Variants in SGCZ observed in about 807,000 individuals in gnomAD.
SGCZ encodes sarcoglycan zeta, also known as zeta-sarcoglycan.
Under a neutral mutation model 41.3 loss-of-function variants are expected in SGCZ, and 40 were observed. The observed-to-expected ratio is 0.97, with a 90% CI of 0.75 to 1.26. The LOEUF is 1.26. Among genes scored for constraint, SGCZ ranks in the 50% most tolerant of loss-of-function variants. The pLI, the probability that SGCZ is intolerant of heterozygous loss-of-function variation, is 0.00. For synonymous variants in SGCZ, 206 were observed against 137.5 expected, an observed-to-expected ratio of 1.50 and a Z score of -3.49; for missense variants, 552 against 369.8, an observed-to-expected ratio of 1.49 and a Z score of -4.04.
intron 1 of SGCZ, among the ~76,000 whole-genome samples, chr8:14,657,545 C>T (rs1025343963): frequency 1.3e-5 from 2 of 152,024 alleles, no homozygotes; most frequent in South Asian, 2.1e-4. Context: ...CAAATATGCT[C>T]AGGAAAAGTA....
intron 1 of SGCZ, among the ~76,000 whole-genome samples, chr8:15,038,832 A>AAG (rs1554544785): frequency 3.2e-4 from 45 of 140,488 alleles, no homozygotes; most frequent in Middle Eastern, 3.6e-3. Flanking sequence ...AAAAAAAAAA[A>AAG]AAAAAAAGAA....
intron 4 of SGCZ, among the ~76,000 whole-genome samples, chr8:14,167,507 C>A (rs1241768925): frequency 6.6e-6 from 1 of 151,990 alleles, no homozygotes; most frequent in African/African-American, 2.4e-5. Context: ...CTAAACACTT[C>A]CTTAGGAACA....
At chr8:14,328,189 G>C (rs529790582) in intron 2 of SGCZ, among the ~76,000 whole-genome samples, 1 of 152,240 alleles carries the variant, frequency 6.6e-6, no homozygotes, top group African/African-American at 2.4e-5. Flanking sequence ...CAGGCATTAA[G>C]TCCAGTAACT....
chr8:14,986,921 T>G (rs1399799169), intron 1 of SGCZ, among the ~76,000 whole-genome samples: 1 of 151,988 alleles, frequency 6.6e-6, no homozygotes, highest in East Asian at 1.9e-4. Flanking sequence ...AAAATGTTCT[T>G]AAAACGTAAT....
intron 1 of SGCZ, among the ~76,000 whole-genome samples, chr8:15,212,439 C>A (rs752025365): frequency 4.6e-5 from 7 of 152,052 alleles, no homozygotes; most frequent in Non-Finnish European, 1.0e-4. Flanking sequence ...CGTTTCAAGG[C>A]GTCTTGCAGA....
chr8:15,182,227 C>CA (rs1359527285), intron 1 of SGCZ, among the ~76,000 whole-genome samples: 3 of 151,840 alleles, frequency 2.0e-5, no homozygotes. Context: ...GTTAACTGAC[C>CA]AAAAAATACA....
At chr8:14,214,562 A>G (rs1444191927) in intron 4 of SGCZ, among the ~76,000 whole-genome samples, 3 of 152,172 alleles carry the variant, frequency 2.0e-5, no homozygotes, top group Non-Finnish European at 4.4e-5. Flanking sequence ...ATTTAAAATA[A>G]AAGTGTATTT....
intron 7 of SGCZ, among the ~76,000 whole-genome samples, chr8:14,095,240 A>G (rs561817804): frequency 6.6e-6 from 1 of 152,220 alleles, no homozygotes; most frequent in African/African-American, 2.4e-5. Flanking sequence ...GTTTTCTTCT[A>G]GGGTTTTACG....
intron 1 of SGCZ, among the ~76,000 whole-genome samples, chr8:15,014,259 C>T (rs886707943): frequency 6.6e-6 from 1 of 152,146 alleles, no homozygotes; most frequent in East Asian, 1.9e-4. Context: ...ATTCTGTAAA[C>T]AAGCCAGTTC....
At chr8:14,303,437 GTAC>G (rs1466971010) in intron 3 of SGCZ, among the ~76,000 whole-genome samples, 1 of 152,044 alleles carries the variant, frequency 6.6e-6, no homozygotes, top group Non-Finnish European at 1.5e-5. Context: ...TTAAAAACCT[GTAC>G]TATACACACA....
chr8:14,168,973 G>A (rs368130514), intron 4 of SGCZ, among the ~76,000 whole-genome samples: 6 of 152,088 alleles, frequency 3.9e-5, no homozygotes, highest in Admixed American at 6.5e-5. Context: ...CTATTTGACC[G>A]ATGAGGAAAC....
At chr8:14,420,730 C>T (rs1374939604) in intron 2 of SGCZ, among the ~76,000 whole-genome samples, 2 of 152,054 alleles carry the variant, frequency 1.3e-5, no homozygotes, top group Non-Finnish European at 2.9e-5. Context: ...TGCAAACTTC[C>T]TCCCAGGTTC....
chr8:15,012,354 T>A (rs1299762440), intron 1 of SGCZ, among the ~76,000 whole-genome samples: 1 of 150,866 alleles, frequency 6.6e-6, no homozygotes, highest in African/African-American at 2.4e-5. Context: ...TCCTAGTTAT[T>A]TGGGAGGCTG....
intron 1 of SGCZ, among the ~76,000 whole-genome samples, chr8:14,594,989 G>C (rs2175277): frequency 4.0e-5 from 6 of 151,578 alleles, no homozygotes; most frequent in African/African-American, 7.3e-5. Flanking sequence ...TAAAGCCTTT[G>C]TTATATATTT....
chr8:14,927,646 A>G (rs1028530867), intron 1 of SGCZ, among the ~76,000 whole-genome samples: 3 of 152,116 alleles, frequency 2.0e-5, no homozygotes, highest in Admixed American at 6.5e-5. Context: ...ATCCAGAAAT[A>G]TATTTATTTG....
chr8:14,379,085 T>A (rs1398513715), intron 2 of SGCZ, among the ~76,000 whole-genome samples: 1 of 152,204 alleles, frequency 6.6e-6, no homozygotes, highest in Non-Finnish European at 1.5e-5. Context: ...GTATGCACAC[T>A]ATTTTTACTA....
intron 1 of SGCZ, among the ~76,000 whole-genome samples, chr8:14,920,320 T>G (rs192741633): frequency 6.6e-6 from 1 of 152,328 alleles, no homozygotes; most frequent in Non-Finnish European, 1.5e-5. Context: ...ATGGATCACA[T>G]GCCAGCAAAT....
intron 2 of SGCZ, among the ~76,000 whole-genome samples, chr8:14,451,566 G>C (rs2116927607): frequency 1.3e-5 from 2 of 152,220 alleles, no homozygotes; most frequent in South Asian, 4.1e-4. Context: ...GCCACAAACT[G>C]GGAGAAAGTA....
intron 1 of SGCZ, among the ~76,000 whole-genome samples, chr8:15,106,010 A>G (rs1398200324): frequency 6.6e-6 from 1 of 152,154 alleles, no homozygotes; most frequent in African/African-American, 2.4e-5. Context: ...TATCTTGACT[A>G]GTTCTGGTTT....
Sources: gnomAD v4.1 joint callset for allele counts (sites outside exome capture counted in the v4.1 genomes callset) on GRCh38, gnomAD v4.1.1 for gene constraint, MANE v1.5 for transcripts, NCBI Gene and HGNC (gene_info 2026-07-23, HGNC 2026-07-21) for gene names.